DPP6: variants seen among roughly 807,000 people sequenced by gnomAD.
DPP6 encodes the protein dipeptidyl peptidase like 6.
In DPP6, 69 loss-of-function variants were observed where a neutral mutation model predicts 122.6. The observed-to-expected ratio is 0.56, with a 90% CI of 0.46 to 0.69. The LOEUF is 0.69. DPP6 is among the 30% of genes least tolerant of loss of function. The pLI, the probability that DPP6 is intolerant of heterozygous loss-of-function variation, is 0.00. For synonymous variants in DPP6, 418 were observed against 433.1 expected (o/e 0.97, Z 0.43); for missense variants, 928 against 1,116.9 (o/e 0.83, Z 2.41).
intron 1 of DPP6, among the ~76,000 whole-genome samples, chr7:153,891,131 C>T (rs1198523810): frequency 2.7e-5 from 4 of 150,680 alleles, no homozygotes; most frequent in African/African-American, 9.8e-5. Context: ...ATGCCATTCT[C>T]CTGCCTCAGC....
In DPP6 at chr7:154,540,597, T is replaced by G; in HGVS notation, c.523T>G (p.Ser175Ala). 6.2e-7 allele frequency: 1 copy of G among 1,602,730 alleles called. No homozygotes were observed. Among genetic ancestry groups the G allele is most frequent in the Non-Finnish European group, 8.5e-7 (1 of 1,175,530 alleles). Reference sequence around the variant, plus strand: ...ACTGTGGAATGTTGAAACAAATACTTCTACTGTCTTAATAGAAGGCAAAAA... The same window carrying G: ...ACTGTGGAATGTTGAAACAAATACTGCTACTGTCTTAATAGAAGGCAAAAA... ...VRLWNVETNT[S>A]TVLIEGKKIE... Residue 175 changes from serine to alanine, a missense_variant, in exon 4 of 26, where the codon TCT becomes GCT. Physicochemically the swap from Ser to Ala is moderately conservative, Grantham distance 99. Transcript: ENST00000377770.
chr7:154,101,779 T>C (rs1303421801), intron 1 of DPP6, among the ~76,000 whole-genome samples: 3 of 151,220 alleles, frequency 2.0e-5, no homozygotes, highest in Non-Finnish European at 4.4e-5. Flanking sequence ...AATACAAAAA[T>C]TAGCTGGGCA....
intron 1 of DPP6, among the ~76,000 whole-genome samples, chr7:154,385,206 T>G (rs1302964877): frequency 6.6e-6 from 1 of 152,180 alleles, no homozygotes; most frequent in Non-Finnish European, 1.5e-5. Flanking sequence ...CCTGACCTCA[T>G]GATCCGCCCG....
intron 5 of DPP6, among the ~76,000 whole-genome samples, chr7:154,567,743 C>T (rs904487137): frequency 1.4e-4 from 22 of 152,330 alleles, no homozygotes; most frequent in African/African-American, 5.1e-4. Flanking sequence ...GGTGTAATGA[C>T]TCCTGCATTT....
At chr7:154,316,942 A>C (rs1330284223) in intron 1 of DPP6, among the ~76,000 whole-genome samples, 1 of 152,122 alleles carries the variant, frequency 6.6e-6, no homozygotes, top group East Asian at 1.9e-4. Flanking sequence ...AAGTTGGGTA[A>C]CCTCAGTTTC....
Position 153,913,881 on chromosome 7 carries a change from A to G in DPP6, c.51+26147A>G, listed in dbSNP as rs542507634. Among the ~76,000 whole-genome samples, 4 of 152,328 alleles carry G rather than the reference A, an allele frequency of 2.6e-5. No homozygotes were observed. In the East Asian group the frequency reaches 7.7e-4, roughly 29 times the overall value. On this transcript the variant is annotated intron_variant, in intron 1 of 25. Transcript: ENST00000404039. ...CATTCAATGCAATGCCAAACTCTTA[A>G]CATTTGAAAATTATATAGTAGAAAT...
Position 153,963,865 on chromosome 7 carries a change from T to G in DPP6, c.51+76131T>G, listed in dbSNP as rs566124340. Reference sequence around the variant, plus strand: ...ATTTGGGGACTGCTGCTGTAAAGCATGCACAGTGCACGAGGCCTGGTTGAG... The same window carrying G: ...ATTTGGGGACTGCTGCTGTAAAGCAGGCACAGTGCACGAGGCCTGGTTGAG... On this transcript the variant is annotated intron_variant, in intron 1 of 25. Transcript: ENST00000404039. Among the ~76,000 whole-genome samples the G allele has an allele frequency of 1.7e-3, 264 of 152,300 alleles. 2 individuals are homozygous for G. Among genetic ancestry groups the G allele is most frequent in the African/African-American group, 6.0e-3 (250 of 41,554 alleles).
intron 7 of DPP6, among the ~76,000 whole-genome samples, chr7:154,726,932 T>C (rs1457702086): frequency 1.3e-5 from 2 of 152,226 alleles, no homozygotes; most frequent in East Asian, 1.9e-4. Context: ...TCTATATCAC[T>C]ATCAGCATTT....
At chr7:154,544,616 C>A (rs1490082561) in intron 4 of DPP6, among the ~76,000 whole-genome samples, 1 of 152,164 alleles carries the variant, frequency 6.6e-6, no homozygotes. Context: ...GGGGTCATGA[C>A]TTTGAGCTTC....
the DPP6 span, among the ~76,000 whole-genome samples, chr7:153,805,868 C>T: frequency 1.3e-5 from 2 of 151,638 alleles, no homozygotes; most frequent in African/African-American, 2.4e-5. Context: ...GGGGGACTGG[C>T]GGAGGGATAG....
intron 1 of DPP6, among the ~76,000 whole-genome samples, chr7:154,129,422 C>A (rs6963294): frequency 0.012 from 1,894 of 152,248 alleles, 41 homozygotes; most frequent in African/African-American, 0.043. Flanking sequence ...GACAGGGGGC[C>A]CAACCTCACC....
At chr7:154,472,859 T>C (rs1311276320) in intron 2 of DPP6, among the ~76,000 whole-genome samples, 3 of 146,192 alleles carry the variant, frequency 2.1e-5, no homozygotes, top group African/African-American at 7.8e-5. Context: ...CCACATACTT[T>C]CCCTATATAG....
chr7:154,257,110 C>T (rs759316405), intron 1 of DPP6, among the ~76,000 whole-genome samples: 1 of 151,390 alleles, frequency 6.6e-6, no homozygotes, highest in African/African-American at 2.4e-5. Flanking sequence ...GATCCTCCCA[C>T]CTCAGCCTCC....
chr7:154,641,029 A>G (rs1431641090), intron 6 of DPP6, among the ~76,000 whole-genome samples: 2 of 151,924 alleles, frequency 1.3e-5, no homozygotes, highest in Non-Finnish European at 1.5e-5. Context: ...ATGCCCTCTG[A>G]TTTCTGTTGT....
intron 1 of DPP6, among the ~76,000 whole-genome samples, chr7:154,187,060 T>C (rs570719257): frequency 6.6e-6 from 1 of 152,324 alleles, no homozygotes; most frequent in Non-Finnish European, 1.5e-5. Flanking sequence ...TGAAAAAGCC[T>C]GTGTGTGTTC....
In DPP6 at chr7:154,694,681, C is replaced by A. The variant is rs140702898; in HGVS notation, c.762+25240C>A. The stretch of plus-strand genomic sequence containing the variant: ...AATCTTCAACATTGACGGTCCCCAG[C>A]CTTTCAATCCTTGATGTAAGTGATG... On this transcript the variant is annotated intron_variant, in intron 7 of 25. Coordinates refer to ENST00000377770, the MANE Select transcript of DPP6 (RefSeq NM_130797.4). 6.6e-5 allele frequency among the ~76,000 whole-genome samples: 10 copies of A among 152,268 alleles called. No individual in the cohort carries two copies. The East Asian group carries it at 1.2e-3, about 18-fold the overall frequency.
At chr7:154,246,478 A>G (rs1461422301) in intron 1 of DPP6, among the ~76,000 whole-genome samples, 3 of 152,222 alleles carry the variant, frequency 2.0e-5, no homozygotes, top group African/African-American at 7.2e-5. Flanking sequence ...CAATTGATTT[A>G]TGGGATTAAT....
the DPP6 span, among the ~76,000 whole-genome samples, chr7:153,784,722 A>G: frequency 1.3e-5 from 2 of 152,200 alleles, no homozygotes; most frequent in Non-Finnish European, 2.9e-5. Context: ...GTCCATTATT[A>G]ATAGACCTCC....
the DPP6 span, among the ~76,000 whole-genome samples, chr7:153,771,035 A>G: frequency 6.6e-6 from 1 of 152,218 alleles, no homozygotes; most frequent in African/African-American, 2.4e-5. Flanking sequence ...ATTTGAGGAG[A>G]AGAAATGTTT....
Sources: allele counts gnomAD v4.1 joint callset (sites outside exome capture counted in the v4.1 genomes callset), GRCh38; gene constraint gnomAD v4.1.1; transcripts MANE v1.5; gene names NCBI Gene and HGNC (gene_info 2026-07-23, HGNC 2026-07-21).